The following FRMPD1 variants were observed in gnomAD, a reference collection of about 807,000 sequenced individuals.
FRMPD1 encodes FERM and PDZ domain-containing protein 1.
A neutral mutation model predicts 117.8 loss-of-function variants in FRMPD1; 76 were observed. That is an observed-to-expected ratio of 0.65 (90% CI 0.54 to 0.78). FRMPD1 has a LOEUF of 0.78. FRMPD1 is among the 30% of genes least tolerant of loss of function. The pLI is 0.00. For missense variants in FRMPD1, 1,786 were observed against 1,964.5 expected, an observed-to-expected ratio of 0.91 and a Z score of 1.72; for synonymous variants, 783 against 770.4, an observed-to-expected ratio of 1.02 and a Z score of -0.27.
At chr9:37,672,507 T>A (rs1821387490) in intron 1 of FRMPD1, among the ~76,000 whole-genome samples, 1 of 152,206 alleles carries the variant, frequency 6.6e-6, no homozygotes, top group African/African-American at 2.4e-5. Context: ...TTTCCATGCA[T>A]TACCTCATTA....
intron 5 of FRMPD1, among the ~76,000 whole-genome samples, chr9:37,717,339 A>G (rs112054812): frequency 0.07 from 5,936 of 84,326 alleles, 170 homozygotes; most frequent in South Asian, 0.12. Flanking sequence ...GTATGTGTAT[A>G]TATGTGTGTG....
rs118007391 is a variant in FRMPD1 at position 37,716,340 on chromosome 9, C to T, written c.409-2729C>T. 1.4e-3 allele frequency among the ~76,000 whole-genome samples: 206 copies of T among 152,324 alleles called. 3 individuals are homozygous for T. In the East Asian group the frequency reaches 0.028, roughly 21 times the overall value. On this transcript the variant is annotated intron_variant, in intron 5 of 15. Coordinates refer to ENST00000377765, the MANE Select transcript of FRMPD1 (RefSeq NM_014907.3). The stretch of plus-strand genomic sequence containing the variant: ...TTTGGATGCTCAACACCACACTTCA[C>T]ATTAATCCCTGTCATGTTGCTTTTG...
chr9:37,717,534 C>T (rs558315162), intron 5 of FRMPD1, among the ~76,000 whole-genome samples: 2 of 151,866 alleles, frequency 1.3e-5, no homozygotes, highest in South Asian at 2.1e-4. Context: ...CATGCACCAC[C>T]ACGCTCGGCT....
rs76652008 is a variant in FRMPD1 at position 37,692,485 on chromosome 9, C to T, written c.-4-153C>T. On this transcript the variant is annotated intron_variant, in intron 1 of 15. Transcript: ENST00000377765. ...TTGTTCACTCTGTGAACATTGAGCA[C>T]CTGTTTATGTTGATTTTAGACTAAG... Among the ~76,000 whole-genome samples the T allele has an allele frequency of 2.6e-5, 4 of 152,256 alleles. No homozygotes were observed. In the East Asian group the frequency reaches 7.7e-4, roughly 29 times the overall value.
chr9:37,637,122 T>C, the FRMPD1 span: 2 of 1,603,934 alleles, frequency 1.2e-6, no homozygotes, highest in African/African-American at 2.7e-5. Flanking sequence ...ATCTGAAGTT[T>C]GATAGTTTTG....
the FRMPD1 span, chr9:37,637,139 A>C: frequency 6.2e-7 from 1 of 1,609,512 alleles, no homozygotes; most frequent in Non-Finnish European, 8.5e-7. Flanking sequence ...TTTGCCATCC[A>C]GCTCGATGGT....
In FRMPD1 at chr9:37,745,035, C is replaced by T; in HGVS notation, c.3003C>T (p.Pro1001=). 6.2e-7 allele frequency: 1 copy of T among 1,614,168 alleles called. No individual in the cohort carries two copies. ...PLSQDLDGIA[P]KEPTIEHGDS... is the part of the protein sequence containing the mutation. ...CTCAAGACCTGGATGGGATTGCCCC[C>T]AAAGAACCAACCATAGAGCATGGAG... Residue 1001 remains proline, a synonymous_variant, in exon 16 of 16, where the codon CCC becomes CCT. Transcript: ENST00000377765.
intron 1 of FRMPD1, among the ~76,000 whole-genome samples, chr9:37,651,407 C>T (rs1820671377): frequency 6.6e-6 from 1 of 152,222 alleles, no homozygotes; most frequent in African/African-American, 2.4e-5. Context: ...GCGGCCGCGG[C>T]CAGCGCCAAC....
chr9:37,711,290 C>A, intron 4 of FRMPD1, 60 bp from the exon 5 acceptor site: 1 of 1,034,064 alleles, frequency 9.7e-7, no homozygotes, highest in South Asian at 1.3e-5. Flanking sequence ...TGTATGCATG[C>A]ACGTGCATCC....
At chr9:37,679,845 C>T (rs532955778) in intron 1 of FRMPD1, among the ~76,000 whole-genome samples, 4 of 152,310 alleles carry the variant, frequency 2.6e-5, no homozygotes, top group Non-Finnish European at 4.4e-5. Flanking sequence ...GTTCAGCAGC[C>T]GCAGCTGACT....
chr9:37,630,758 A>C, the FRMPD1 span, among the ~76,000 whole-genome samples: 1 of 152,206 alleles, frequency 6.6e-6, no homozygotes, highest in Non-Finnish European at 1.5e-5. Context: ...GACAGTGTGC[A>C]TCCCGGTTTA....
the FRMPD1 span, among the ~76,000 whole-genome samples, chr9:37,644,420 T>C: frequency 6.6e-6 from 1 of 152,156 alleles, no homozygotes; most frequent in African/African-American, 2.4e-5. Flanking sequence ...TTGCCAATCC[T>C]GCACTGCGAT....
the FRMPD1 span, among the ~76,000 whole-genome samples, chr9:37,605,456 TCCATAGCACATACTGAGAAC>T: frequency 6.6e-6 from 1 of 152,136 alleles, no homozygotes; most frequent in Non-Finnish European, 1.5e-5. Flanking sequence ...GCCTGGTCAT[TCCATAGCACATACTGAGAAC>T]CCACTCTACA....
intron 1 of FRMPD1, among the ~76,000 whole-genome samples, chr9:37,667,062 C>CTTTTTTTTTTTTTTTTTTTTTTTTTTTT (rs573955616): frequency 1.8e-5 from 2 of 111,054 alleles, no homozygotes; most frequent in African/African-American, 4.0e-5. Context: ...TTGAAGCATG[C>CTTTTTTTTTTTTTTTTTTTTTTTTTTTT]TTTTTTTTTT....
At chr9:37,717,010 C>A (rs962081615) in intron 5 of FRMPD1, among the ~76,000 whole-genome samples, 3 of 152,132 alleles carry the variant, frequency 2.0e-5, no homozygotes, top group African/African-American at 2.4e-5. Context: ...AGTTAGAAAT[C>A]AGGACTATTT....
chr9:37,626,517 AAAAATT>A, the FRMPD1 span, among the ~76,000 whole-genome samples: 1 of 148,820 alleles, frequency 6.7e-6, no homozygotes, highest in Non-Finnish European at 1.5e-5. Flanking sequence ...AAAAAAAAAA[AAAAATT>A]AAATGAAGGG....
rs1238355264 is a variant in FRMPD1, at chr9:37,744,549, G to T, written c.2517G>T (p.Arg839Ser). ...KKYAKTLRKR[R>S]SFLQTDYTSQ... Reference sequence around the variant, plus strand: ...ATGCCAAGACCCTGAGGAAAAGAAGGTCTTTCCTACAGACCGACTACACCT... The same window carrying T: ...ATGCCAAGACCCTGAGGAAAAGAAGTTCTTTCCTACAGACCGACTACACCT... The change falls in exon 16 of 16, where the codon AGG (arginine) becomes AGT (serine). Residue 839 changes from arginine (R) to serine (S), a missense_variant. Coordinates refer to ENST00000377765, the MANE Select transcript of FRMPD1 (RefSeq NM_014907.3). 1 of 1,614,010 alleles carries T rather than the reference G, an allele frequency of 6.2e-7. No homozygotes were observed. The highest frequency in any genetic ancestry group is 8.5e-7 in the Non-Finnish European group (1 of 1,180,012).
the FRMPD1 span, among the ~76,000 whole-genome samples, chr9:37,639,447 C>A: frequency 1.3e-5 from 2 of 152,132 alleles, no homozygotes; most frequent in Admixed American, 6.5e-5. Context: ...CACCTCAACC[C>A]ATAGTTTGGC....
chr9:37,660,602 T>C (rs2119383599), intron 1 of FRMPD1, among the ~76,000 whole-genome samples: 1 of 152,310 alleles, frequency 6.6e-6, no homozygotes, highest in Middle Eastern at 3.4e-3. Context: ...TAAAGAACAG[T>C]GATTTTCCAT....
Sources: allele counts gnomAD v4.1 joint callset (sites outside exome capture counted in the v4.1 genomes callset), GRCh38; gene constraint gnomAD v4.1.1; transcripts MANE v1.5; gene names NCBI Gene and HGNC (gene_info 2026-07-23, HGNC 2026-07-21).